Variants in RICTOR observed in about 807,000 individuals in gnomAD.
The protein encoded by RICTOR is rapamycin-insensitive companion of mTOR.
A neutral mutation model predicts 214.9 loss-of-function variants in RICTOR; 49 were observed. The observed-to-expected ratio is 0.23, with a 90% CI of 0.18 to 0.29. The LOEUF (loss-of-function observed/expected upper bound fraction) is 0.29, where lower values mean the gene tolerates loss of function less well. Among genes scored for constraint, RICTOR ranks in the 10% least tolerant of loss-of-function variants. The probability of loss-of-function intolerance (pLI) is 1.00; values close to 1 mark genes in which losing one functional copy is unlikely to be tolerated. For missense variants in RICTOR, 1,625 were observed against 2,047.0 expected, an observed-to-expected ratio of 0.79 and a Z score of 3.98; for synonymous variants, 717 against 711.3, an observed-to-expected ratio of 1.01 and a Z score of -0.13.
At chr5:38,985,033 G>A (rs547750195) in intron 7 of RICTOR, among the ~76,000 whole-genome samples, 1 of 152,130 alleles carries the variant, frequency 6.6e-6, no homozygotes, top group African/African-American at 2.4e-5. Flanking sequence ...GGATGGTCTC[G>A]ATCTCTTGAC....
At position 38,944,995 on chromosome 5, in the gene RICTOR, C is replaced by T; in HGVS notation, c.4707G>A (p.Lys1569=). ...CACTGCATCCAGAAATCCCCGAAAA[C>T]TTAGAGGGAACCACTTCTAAAGGAT... is the stretch of plus-strand genomic sequence containing the variant. ...IHNPLEVVPS[K]FSGISGCSDG... is the part of the protein sequence containing the mutation. The change falls in exon 35 of 38, where the codon AAG becomes AAA. Residue 1569 remains lysine, a synonymous_variant. Transcript: ENST00000357387. The T allele has an allele frequency of 1.2e-6, 2 of 1,613,414 alleles. No individual in the cohort carries two copies. The highest frequency in any genetic ancestry group is 1.7e-6 in the Non-Finnish European group (2 of 1,179,406).
intron 31 of RICTOR, among the ~76,000 whole-genome samples, chr5:38,948,713 C>G (rs1748440437): frequency 6.6e-6 from 1 of 152,016 alleles, no homozygotes; most frequent in Non-Finnish European, 1.5e-5. Flanking sequence ...CTGGCTTTGT[C>G]CTGGACAAGG....
At chr5:39,010,500 A>G (rs1754423540) in intron 3 of RICTOR, among the ~76,000 whole-genome samples, 1 of 152,310 alleles carries the variant, frequency 6.6e-6, no homozygotes, top group South Asian at 2.1e-4. Flanking sequence ...AGGCTGGAAC[A>G]GTTAGAGGGC....
intron 9 of RICTOR, among the ~76,000 whole-genome samples, chr5:38,976,053 C>A (rs1467326791): frequency 6.6e-6 from 1 of 152,202 alleles, no homozygotes; most frequent in Non-Finnish European, 1.5e-5. Context: ...TATATAGTCA[C>A]TGAAATGTTA....
chr5:38,953,557 G>C lies in RICTOR; in HGVS notation c.2698-4C>G, dbSNP rs372128755. ...GACAGAGTTCTGTAATAATATTCTG[G>C]AGAAAGAAAAAAAAATACCATGAGT... On this transcript the variant is annotated splice_region_variant and splice_polypyrimidine_tract_variant and intron_variant, in intron 27 of 37. Transcript: ENST00000357387. The C allele has an allele frequency of 6.7e-6, 7 of 1,041,424 alleles. No homozygotes were observed. The highest frequency in any genetic ancestry group is 8.8e-6 in the Non-Finnish European group (7 of 797,070). The allele number at this position is 1,041,424 out of a possible 1,614,324, so 64.5% of individuals were successfully genotyped here. A position where few individuals can be genotyped will look rare whatever the true frequency, so the allele number is the denominator to read the frequency against.
intron 2 of RICTOR, among the ~76,000 whole-genome samples, chr5:39,072,189 T>A (rs1759373481): frequency 6.6e-6 from 1 of 152,200 alleles, no homozygotes; most frequent in African/African-American, 2.4e-5. Flanking sequence ...GTACATTTTG[T>A]CAGGGCAAGC....
chr5:38,994,147 A>ATG (rs1752989435), intron 6 of RICTOR, among the ~76,000 whole-genome samples: 1 of 151,874 alleles, frequency 6.6e-6, no homozygotes, highest in Non-Finnish European at 1.5e-5. Flanking sequence ...CCGAGATTGC[A>ATG]CCACTGCACT....
chr5:38,994,958 C>A (rs1753071415), intron 6 of RICTOR, among the ~76,000 whole-genome samples: 2 of 152,104 alleles, frequency 1.3e-5, no homozygotes, highest in Non-Finnish European at 2.9e-5. Flanking sequence ...CATTATTTGT[C>A]CTTTTTACTC....
Position 39,025,507 on chromosome 5 carries a change from A to G in RICTOR, c.98-4371T>C, listed in dbSNP as rs201576677. Among the ~76,000 whole-genome samples, 6 of 152,246 alleles carry G rather than the reference A, an allele frequency of 3.9e-5. 1 individual carries two copies. The East Asian group carries it at 1.2e-3, about 29-fold the overall frequency. ...TGCAGAAAATGGACTTTTCATGTGT[A>G]TTAAGTCAGTTCAGTATACTATAAA... On this transcript the variant is annotated intron_variant, in intron 2 of 37. Coordinates refer to ENST00000357387, the MANE Select transcript of RICTOR (RefSeq NM_152756.5).
intron 6 of RICTOR, among the ~76,000 whole-genome samples, chr5:38,995,814 A>G (rs2150091438): frequency 6.6e-6 from 1 of 152,310 alleles, no homozygotes; most frequent in East Asian, 1.9e-4. Context: ...CTGAATTTGA[A>G]AAGTCAAATT....
intron 3 of RICTOR, among the ~76,000 whole-genome samples, chr5:39,009,343 A>T (rs1754313514): frequency 6.6e-6 from 1 of 152,184 alleles, no homozygotes; most frequent in African/African-American, 2.4e-5. Context: ...TGAAAAAGTT[A>T]AACAAAATTC....
intron 3 of RICTOR, among the ~76,000 whole-genome samples, chr5:39,006,915 G>C (rs1044179983): frequency 1.3e-5 from 2 of 152,162 alleles, no homozygotes; most frequent in East Asian, 1.9e-4. Context: ...AGAGGCCTCA[G>C]ACTTTCAAAG....
At chr5:38,947,991 G>C (rs972647256) in intron 31 of RICTOR, among the ~76,000 whole-genome samples, 4 of 152,072 alleles carry the variant, frequency 2.6e-5, no homozygotes, top group African/African-American at 9.7e-5. Context: ...AGATATCCTT[G>C]TAAAAAGCAC....
Position 38,967,364 on chromosome 5 carries a change from G to A in RICTOR, c.1124C>T (p.Thr375Ile). 1.9e-6 allele frequency: 3 copies of A among 1,613,768 alleles called. No individual in the cohort carries two copies. Among genetic ancestry groups the A allele is most frequent in the Non-Finnish European group, 2.5e-6 (3 of 1,179,770 alleles). ...SDGFVAAEAKTILPHRARSRP... is the reference protein window; with the variant it reads ...SDGFVAAEAKIILPHRARSRP... ...GGATCTGGCACGATGAGGAAGAATA[G>A]TTTTTGCCTCAGCTGCCACAAAGCC... Residue 375 changes from threonine to isoleucine, a missense_variant, in exon 13 of 38, where the codon ACT becomes ATT. Thr to Ile is a moderately conservative substitution (Grantham distance 89). Around this residue, in one of 5 missense-constraint regions of RICTOR, gnomAD observed 1,214 missense variants for 1,470.5 expected, o/e 0.83. Coordinates refer to ENST00000357387, the MANE Select transcript of RICTOR (RefSeq NM_152756.5).
At chr5:39,016,309 A>G (rs897215635) in intron 3 of RICTOR, among the ~76,000 whole-genome samples, 1 of 145,698 alleles carries the variant, frequency 6.9e-6, no homozygotes, top group African/African-American at 2.5e-5. Flanking sequence ...AACGGAGAAA[A>G]GGAAGGAGAG....
intron 2 of RICTOR, among the ~76,000 whole-genome samples, chr5:39,064,694 T>C (rs970387007): frequency 1.3e-5 from 2 of 152,216 alleles, no homozygotes; most frequent in African/African-American, 4.8e-5. Context: ...TAAAAGGAAA[T>C]TGAGAGTTGA....
chr5:39,065,457 C>A (rs570146165), intron 2 of RICTOR, among the ~76,000 whole-genome samples: 1 of 152,170 alleles, frequency 6.6e-6, no homozygotes, highest in Non-Finnish European at 1.5e-5. Context: ...ATTCTGCCCA[C>A]GGCCCCTCCC....
chr5:39,031,054 T>A (rs1028268677), intron 2 of RICTOR, among the ~76,000 whole-genome samples: 29 of 152,296 alleles, frequency 1.9e-4, no homozygotes, highest in Admixed American at 1.9e-3. Flanking sequence ...CTTCTAGGCT[T>A]CATACAAGGT....
intron 19 of RICTOR, among the ~76,000 whole-genome samples, chr5:38,961,057 G>A (rs1178049120): frequency 2.6e-5 from 4 of 151,768 alleles, no homozygotes; most frequent in Non-Finnish European, 5.9e-5. Flanking sequence ...CCAGTCTCAG[G>A]CAGTGATTTA....
Sources: allele counts gnomAD v4.1 joint callset (sites outside exome capture counted in the v4.1 genomes callset), GRCh38; gene constraint gnomAD v4.1.1; regional missense constraint gnomAD v4.1.1; transcripts MANE v1.5; gene names NCBI Gene and HGNC (gene_info 2026-07-23, HGNC 2026-07-21).